IPO7: variants seen among roughly 807,000 people sequenced by gnomAD.
IPO7 encodes the protein importin 7.
IPO7 carries 13 observed loss-of-function variants against 136.4 expected under a neutral mutation model. The observed-to-expected ratio is 0.10, with a 90% CI of 0.06 to 0.15. IPO7 has a LOEUF of 0.15. Ranked by LOEUF, IPO7 falls within the 10% of genes least tolerant of loss-of-function variation. The probability of loss-of-function intolerance (pLI) is 1.00; values close to 1 mark genes in which losing one functional copy is unlikely to be tolerated. For synonymous variants in IPO7, 403 were observed against 404.4 expected (o/e 1.00, Z 0.04); for missense variants, 857 against 1,240.6 (o/e 0.69, Z 4.65).
chr11:9,411,559 T>C lies in IPO7; in HGVS notation c.479+1473T>C, dbSNP rs77948613. Among the ~76,000 whole-genome samples the C allele has an allele frequency of 7.1e-3, 1,085 of 152,320 alleles. 35 individuals carry two copies. The East Asian group carries it at 0.099, about 14-fold the overall frequency. ...GAGGTTGGGAATAGTTTTGGACTGG[T>C]AAATTGGGACCATGTTAAAGAGGGT... On this transcript the variant is annotated intron_variant, in intron 4 of 24. Coordinates refer to ENST00000379719, the MANE Select transcript of IPO7 (RefSeq NM_006391.3).
chr11:9,420,839 A>G (rs772981621), intron 8 of IPO7, 141 bp downstream of exon 8: 129 of 612,112 alleles, frequency 2.1e-4, no homozygotes, highest in Non-Finnish European at 3.6e-4. Context: ...TGGTCTCAGG[A>G]TCTCTTTATG....
chr11:9,446,465 A>G lies in IPO7; in HGVS notation c.*1271A>G, dbSNP rs905285210. ...TCCAAAAACCACTATTGATACCACT[A>G]CAAAAACAAGCCAGCAAAAAGATAC... On this transcript the variant is annotated 3_prime_UTR_variant, in exon 25 of 25. Transcript: ENST00000379719. The G allele has an allele frequency of 9.2e-5, 14 of 152,360 alleles. No homozygotes were observed. The highest frequency in any genetic ancestry group is 3.1e-4 in the African/African-American group (13 of 41,592). The allele number at this position is 152,360 out of a possible 1,614,324, so 9.4% of individuals were successfully genotyped here.
intron 2 of IPO7, among the ~76,000 whole-genome samples, chr11:9,408,200 G>A (rs1205546966): frequency 6.6e-6 from 1 of 151,970 alleles, no homozygotes; most frequent in Admixed American, 6.6e-5. Flanking sequence ...TAGAAAACAG[G>A]GTTAAAAGTG....
chr11:9,426,525 AGT>A (rs1262679231), intron 12 of IPO7, among the ~76,000 whole-genome samples: 3 of 152,130 alleles, frequency 2.0e-5, no homozygotes, highest in Non-Finnish European at 2.9e-5. Flanking sequence ...TATACCTAGG[AGT>A]ATGAATTGCT....
chr11:9,391,218 T>C (rs1854628881), intron 1 of IPO7, among the ~76,000 whole-genome samples: 1 of 150,866 alleles, frequency 6.6e-6, no homozygotes, highest in Non-Finnish European at 1.5e-5. Context: ...ATCAACATAG[T>C]GAAACCCCGT....
chr11:9,438,045 GTTTTTTTTTTT>G lies in IPO7; in HGVS notation c.2490-13_2490-3del, dbSNP rs202038310. On this transcript the variant is annotated intron_variant, in intron 21 of 24. Coordinates refer to ENST00000379719, the MANE Select transcript of IPO7 (RefSeq NM_006391.3). ...TCTGCTTATTTAAGAAAAGAAAACAGTTTTTTTTTTTTTTTTTTTTTTTTTTTTTTTTAGGC... is the reference window on the plus strand; with the variant it reads ...TCTGCTTATTTAAGAAAAGAAAACAGTTTTTTTTTTTTTTTTTTTTTAGGC... 3,673 of 1,093,228 alleles carry G rather than the reference GTTTTTTTTTTT, an allele frequency of 3.4e-3. 86 individuals carry two copies. The African/African-American group carries it at 0.092, about 27-fold the overall frequency. 67.7% of individuals were successfully genotyped at this position (1,093,228 alleles called of 1,614,324 possible). A position where few individuals can be genotyped will look rare whatever the true frequency, so the allele number is the denominator to read the frequency against.
chr11:9,390,924 C>T (rs1477967324), intron 1 of IPO7, among the ~76,000 whole-genome samples: 2 of 152,030 alleles, frequency 1.3e-5, no homozygotes. Flanking sequence ...CGCCCGCCAC[C>T]ACTCCTGGCT....
At chr11:9,415,154 A>G (rs912332911) in intron 5 of IPO7, among the ~76,000 whole-genome samples, 1 of 151,802 alleles carries the variant, frequency 6.6e-6, no homozygotes, top group African/African-American at 2.4e-5. Flanking sequence ...CCCCGTCTCT[A>G]TTAAAAATAC....
At chr11:9,440,977 G>C (rs1056403695) in intron 23 of IPO7, among the ~76,000 whole-genome samples, 1 of 152,060 alleles carries the variant, frequency 6.6e-6, no homozygotes, top group Non-Finnish European at 1.5e-5. Flanking sequence ...CCACTCTTAC[G>C]TGTATACCTG....
intron 1 of IPO7, among the ~76,000 whole-genome samples, chr11:9,396,402 A>C (rs1854709635): frequency 6.6e-6 from 1 of 152,156 alleles, no homozygotes; most frequent in South Asian, 2.1e-4. Context: ...TCTCAAAAAC[A>C]AAGTCGTAAG....
intron 13 of IPO7, 121 bp from the exon 14 acceptor site, chr11:9,428,910 C>G: frequency 1.1e-6 from 1 of 884,132 alleles, no homozygotes; most frequent in Non-Finnish European, 1.9e-6. Flanking sequence ...AGTGTTGTCT[C>G]TGGACACATC....
At position 9,445,092 on chromosome 11, in the gene IPO7, T is replaced by C; in HGVS notation, c.3020-5T>C. 1 of 1,597,184 alleles carries C rather than the reference T, an allele frequency of 6.3e-7. No individual in the cohort carries two copies. The highest frequency in any genetic ancestry group is 8.6e-7 in the Non-Finnish European group (1 of 1,164,820). On this transcript the variant is annotated splice_region_variant and splice_polypyrimidine_tract_variant and intron_variant, in intron 24 of 24. Coordinates refer to ENST00000379719, the MANE Select transcript of IPO7 (RefSeq NM_006391.3). ...TGCCCTACTAAAATTTTATTTGTTT[T>C]CTAGAATCCAAAATGATTGAGAAGC... is the stretch of plus-strand genomic sequence containing the variant.
chr11:9,435,512 G>T (rs1021950614), intron 19 of IPO7, among the ~76,000 whole-genome samples: 3 of 152,200 alleles, frequency 2.0e-5, no homozygotes, highest in Admixed American at 1.3e-4. Context: ...AATGTCTGTT[G>T]TAGGTCGTTA....
rs553992229 is a variant in IPO7, at chr11:9,445,555, C to T, written c.*361C>T. The T allele has an allele frequency of 5.7e-6, 1 of 176,044 alleles. No individual in the cohort carries two copies. Among genetic ancestry groups the T allele is most frequent in the East Asian group, 1.5e-4 (1 of 6,866 alleles). The allele number at this position is 176,044 out of a possible 1,614,324, so 10.9% of individuals were successfully genotyped here. On this transcript the variant is annotated 3_prime_UTR_variant, in exon 25 of 25. Coordinates refer to ENST00000379719, the MANE Select transcript of IPO7 (RefSeq NM_006391.3). ...GAAAAAATAGGCATGGGCTACAGGA[C>T]TATTTAAAATGTCTCATTTACAGTA...
chr11:9,432,794 G>C (rs2133759218), intron 16 of IPO7, among the ~76,000 whole-genome samples: 1 of 152,170 alleles, frequency 6.6e-6, no homozygotes, highest in East Asian at 1.9e-4. Context: ...TGAGTTGGGG[G>C]CTGAGTTCAC....
chr11:9,436,517 AAT>A, intron 20 of IPO7, 151 bp downstream of exon 20: 1 of 546,076 alleles, frequency 1.8e-6, no homozygotes, highest in Non-Finnish European at 3.3e-6. Context: ...AAATGTAACT[AAT>A]ATATAATAAT....
chr11:9,414,463 C>T (rs755357340), intron 5 of IPO7, 52 bp downstream of exon 5: 8 of 1,174,258 alleles, frequency 6.8e-6, no homozygotes, highest in East Asian at 2.6e-5. Context: ...TGTCATTTAC[C>T]GTGTTAAAAA....
At chr11:9,409,689 C>A (rs1040368736) in intron 3 of IPO7, among the ~76,000 whole-genome samples, 1 of 152,110 alleles carries the variant, frequency 6.6e-6, no homozygotes, top group Non-Finnish European at 1.5e-5. Flanking sequence ...AATTGATGTT[C>A]TCAAATGAAA....
At chr11:9,436,415 T>G in intron 20 of IPO7, 49 bp downstream of exon 20, 1 of 1,266,102 alleles carries the variant, frequency 7.9e-7, no homozygotes. Flanking sequence ...AATCTTTTCC[T>G]TCCACTTTCT....
Sources: gnomAD v4.1 joint callset for allele counts (sites outside exome capture counted in the v4.1 genomes callset) on GRCh38, gnomAD v4.1.1 for gene constraint, MANE v1.5 for transcripts, NCBI Gene and HGNC (gene_info 2026-07-23, HGNC 2026-07-21) for gene names.